Variants in PPARGC1A observed in about 807,000 individuals in gnomAD.
PPARGC1A encodes peroxisome proliferator-activated receptor gamma coactivator 1-alpha.
Under a neutral mutation model 88.7 loss-of-function variants are expected in PPARGC1A, and 25 were observed. The ratio of observed to expected loss-of-function variants is 0.28; its 90% CI spans 0.21 to 0.39. The LOEUF (loss-of-function observed/expected upper bound fraction) is 0.39. Among genes scored for constraint, PPARGC1A ranks in the 10% least tolerant of loss-of-function variants. The pLI is 1.00. For synonymous variants in PPARGC1A, 363 were observed against 355.6 expected, an observed-to-expected ratio of 1.02 and a Z score of -0.24; for missense variants, 880 against 968.7, an observed-to-expected ratio of 0.91 and a Z score of 1.22.
the PPARGC1A span, among the ~76,000 whole-genome samples, chr4:24,108,884 G>A: frequency 7.2e-5 from 11 of 152,194 alleles, 1 homozygote; most frequent in African/African-American, 2.4e-4. Context: ...GAGAGAAAAA[G>A]ATGGGAAGAG....
the PPARGC1A span, among the ~76,000 whole-genome samples, chr4:24,164,350 A>AG: frequency 9.7e-4 from 148 of 152,310 alleles, no homozygotes; most frequent in African/African-American, 3.3e-3. Context: ...TCCAATAAGC[A>AG]GCACAAACAC....
At chr4:24,051,503 C>A in the PPARGC1A span, among the ~76,000 whole-genome samples, 2 of 152,274 alleles carry the variant, frequency 1.3e-5, no homozygotes, top group East Asian at 3.9e-4. Context: ...GAGTTAAGTG[C>A]TATTTATACC....
At chr4:24,012,603 G>C in the PPARGC1A span, among the ~76,000 whole-genome samples, 1 of 152,018 alleles carries the variant, frequency 6.6e-6, no homozygotes, top group African/African-American at 2.4e-5. Flanking sequence ...CTTGAACTCA[G>C]TCGTGGCTTA....
At chr4:23,795,955 C>G in intron 12 of PPARGC1A, 30 bp from the exon 13 acceptor site, 1 of 1,518,472 alleles carries the variant, frequency 6.6e-7, no homozygotes. Flanking sequence ...AGTTTAGATA[C>G]ACACTTTGCT....
chr4:24,064,636 C>G, the PPARGC1A span, among the ~76,000 whole-genome samples: 1 of 152,036 alleles, frequency 6.6e-6, no homozygotes, highest in Non-Finnish European at 1.5e-5. Flanking sequence ...TTCTCCTCCC[C>G]CAGAAACCCC....
intron 2 of PPARGC1A, among the ~76,000 whole-genome samples, chr4:23,846,672 T>C (rs972482306): frequency 3.3e-5 from 5 of 152,130 alleles, no homozygotes; most frequent in African/African-American, 1.2e-4. Flanking sequence ...ACCTAGCATG[T>C]GTCGGACACT....
At chr4:24,366,680 A>G in the PPARGC1A span, among the ~76,000 whole-genome samples, 1 of 152,132 alleles carries the variant, frequency 6.6e-6, no homozygotes, top group Non-Finnish European at 1.5e-5. Flanking sequence ...GCCTGGTTCA[A>G]AGCTTTCTAT....
intron 1 of PPARGC1A, chr4:23,889,420 G>A (rs889607141): frequency 1.2e-5 from 12 of 966,362 alleles, no homozygotes; most frequent in Non-Finnish European, 1.4e-5. Flanking sequence ...GATTTTGTAA[G>A]TTCTCTGTCT....
the PPARGC1A span, among the ~76,000 whole-genome samples, chr4:24,313,812 C>A: frequency 1.1e-4 from 16 of 152,068 alleles, no homozygotes; most frequent in Non-Finnish European, 2.2e-4. Context: ...CTAAAGAAAC[C>A]ATAGGAGAAA....
At chr4:23,977,064 GAAGA>G in the PPARGC1A span, among the ~76,000 whole-genome samples, 1 of 151,928 alleles carries the variant, frequency 6.6e-6, no homozygotes, top group Non-Finnish European at 1.5e-5. Flanking sequence ...GGAAGAAGAA[GAAGA>G]AAGAAGAAGA....
intron 1 of PPARGC1A, among the ~76,000 whole-genome samples, chr4:23,885,580 T>C (rs867442536): frequency 1.3e-5 from 2 of 152,196 alleles, no homozygotes; most frequent in South Asian, 2.1e-4. Flanking sequence ...CAAAAGCAAG[T>C]TCCTTAAGAT....
the PPARGC1A span, among the ~76,000 whole-genome samples, chr4:24,417,715 G>A: frequency 7.2e-5 from 11 of 152,172 alleles, no homozygotes; most frequent in East Asian, 1.9e-4. Context: ...ATAATTTGTC[G>A]ACACATAAAG....
At chr4:24,142,310 G>A in the PPARGC1A span, among the ~76,000 whole-genome samples, 1 of 152,134 alleles carries the variant, frequency 6.6e-6, no homozygotes, top group Non-Finnish European at 1.5e-5. Context: ...TACATCAGAG[G>A]GTGATAAGAA....
the PPARGC1A span, among the ~76,000 whole-genome samples, chr4:24,057,065 A>G: frequency 2.6e-5 from 4 of 152,252 alleles, no homozygotes; most frequent in African/African-American, 9.6e-5. Context: ...GTATCCATCA[A>G]TTGATGAATG....
At chr4:23,828,839 A>G (rs1724483493) in intron 4 of PPARGC1A, among the ~76,000 whole-genome samples, 1 of 152,182 alleles carries the variant, frequency 6.6e-6, no homozygotes, top group African/African-American at 2.4e-5. Flanking sequence ...GTTCCTACTC[A>G]GCAACATGTA....
chr4:24,414,202 G>C, the PPARGC1A span, among the ~76,000 whole-genome samples: 1 of 152,256 alleles, frequency 6.6e-6, no homozygotes, highest in African/African-American at 2.4e-5. Flanking sequence ...TATAAACATA[G>C]CTTTGAAACA....
chr4:24,339,902 C>G, the PPARGC1A span, among the ~76,000 whole-genome samples: 3 of 152,146 alleles, frequency 2.0e-5, no homozygotes, highest in East Asian at 5.8e-4. Context: ...CCACCCCCGG[C>G]TAATTTTTGT....
chr4:24,353,827 G>A, the PPARGC1A span, among the ~76,000 whole-genome samples: 17 of 152,118 alleles, frequency 1.1e-4, no homozygotes, highest in Admixed American at 9.8e-4. Context: ...GATAGGAAAC[G>A]ACTGAGCCCT....
At chr4:24,262,961 C>T in the PPARGC1A span, among the ~76,000 whole-genome samples, 1,961 of 152,262 alleles carry the variant, frequency 0.013, 50 homozygotes, top group East Asian at 0.12. Flanking sequence ...GCTTCAATAT[C>T]TGCTACACTG....
Sources: gnomAD v4.1 joint callset for allele counts (sites outside exome capture counted in the v4.1 genomes callset) on GRCh38, gnomAD v4.1.1 for gene constraint, MANE v1.5 for transcripts, NCBI Gene and HGNC (gene_info 2026-07-23, HGNC 2026-07-21) for gene names.